CNTN5: variants seen among roughly 807,000 people sequenced by gnomAD.
CNTN5 encodes contactin 5.
CNTN5 carries 77 observed loss-of-function variants against 129.1 expected under a neutral mutation model. The ratio of observed to expected loss-of-function variants is 0.60; its 90% CI spans 0.50 to 0.72. The LOEUF (loss-of-function observed/expected upper bound fraction) is 0.72, where lower values mean the gene tolerates loss of function less well. Ranked by LOEUF, CNTN5 falls within the 30% of genes least tolerant of loss-of-function variation. The pLI is 0.00. For missense variants in CNTN5, 1,478 were observed against 1,328.8 expected, an observed-to-expected ratio of 1.11 and a Z score of -1.75; for synonymous variants, 509 against 465.6, an observed-to-expected ratio of 1.09 and a Z score of -1.20.
intron 13 of CNTN5, among the ~76,000 whole-genome samples, chr11:100,159,278 T>C (rs1380962554): frequency 6.6e-6 from 1 of 151,852 alleles, no homozygotes; most frequent in African/African-American, 2.4e-5. Context: ...TTTAAAATGT[T>C]GCCAATGTTC....
At chr11:99,754,380 T>C (rs952307649) in intron 3 of CNTN5, among the ~76,000 whole-genome samples, 2 of 152,190 alleles carry the variant, frequency 1.3e-5, no homozygotes, top group African/African-American at 4.8e-5. Context: ...CTATTTTTTA[T>C]TCTTCTCTCC....
intron 1 of CNTN5, among the ~76,000 whole-genome samples, chr11:99,247,453 TTTATTA>T (rs111433002): frequency 1.3e-5 from 2 of 150,466 alleles, no homozygotes; most frequent in East Asian, 1.9e-4. Flanking sequence ...CTACATTTCT[TTTATTA>T]TTATTATTAT....
intron 3 of CNTN5, among the ~76,000 whole-genome samples, chr11:99,652,390 A>G (rs1565391292): frequency 6.6e-6 from 1 of 152,088 alleles, no homozygotes; most frequent in Non-Finnish European, 1.5e-5. Context: ...CTATACCATC[A>G]TCTTTGTCAT....
intron 10 of CNTN5, among the ~76,000 whole-genome samples, chr11:100,066,910 T>A (rs999516219): frequency 3.3e-5 from 5 of 152,114 alleles, no homozygotes; most frequent in Admixed American, 3.3e-4. Flanking sequence ...GTTGTTTTTG[T>A]AAGAATCTTG....
chr11:100,201,920 T>C (rs984936928), intron 15 of CNTN5, among the ~76,000 whole-genome samples: 2 of 151,986 alleles, frequency 1.3e-5, no homozygotes, highest in African/African-American at 4.8e-5. Flanking sequence ...GCTCAATGCA[T>C]AGAGATGATT....
At chr11:100,031,087 T>G (rs1314213819) in intron 9 of CNTN5, among the ~76,000 whole-genome samples, 2 of 152,238 alleles carry the variant, frequency 1.3e-5, no homozygotes, top group African/African-American at 4.8e-5. Flanking sequence ...CTCTAGCAGC[T>G]GCTAGCATCA....
intron 13 of CNTN5, among the ~76,000 whole-genome samples, chr11:100,119,685 G>A (rs931376076): frequency 6.6e-6 from 1 of 151,820 alleles, no homozygotes; most frequent in Non-Finnish European, 1.5e-5. Context: ...TGGGCAGAAT[G>A]GGAAAGAAAA....
At chr11:100,117,755 G>T (rs1215575698) in intron 13 of CNTN5, among the ~76,000 whole-genome samples, 2 of 151,360 alleles carry the variant, frequency 1.3e-5, no homozygotes. Flanking sequence ...GTAAAGAATG[G>T]CATTCTATTT....
chr11:99,653,552 C>T (rs1277105049), intron 3 of CNTN5, among the ~76,000 whole-genome samples: 1 of 151,942 alleles, frequency 6.6e-6, no homozygotes, highest in Non-Finnish European at 1.5e-5. Context: ...CGGAAGTCCT[C>T]AATCCGTGTC....
intron 3 of CNTN5, among the ~76,000 whole-genome samples, chr11:99,633,496 C>T (rs998814949): frequency 1.3e-5 from 2 of 152,150 alleles, no homozygotes; most frequent in South Asian, 2.1e-4. Flanking sequence ...GCAGCTTCTA[C>T]AAGCAAGATC....
intron 6 of CNTN5, among the ~76,000 whole-genome samples, chr11:99,880,577 T>C (rs146995519): frequency 1.3e-5 from 2 of 152,170 alleles, no homozygotes; most frequent in Non-Finnish European, 2.9e-5. Flanking sequence ...AAGAGACTAA[T>C]GTTTGATGTG....
rs139662996 is a variant in CNTN5, at chr11:99,553,490, G to T, written c.-70-2655G>T. ...TGTTTTCAAAAGAAACGTGTAAAAA[G>T]TTTACATATTTCAGAATCTTAAATA... On this transcript the variant is annotated intron_variant, in intron 2 of 24. Coordinates refer to ENST00000524871, the MANE Select transcript of CNTN5 (RefSeq NM_014361.4). Among the ~76,000 whole-genome samples the T allele has an allele frequency of 2.5e-3, 373 of 151,686 alleles. 3 individuals carry two copies. The highest frequency in any genetic ancestry group is 8.5e-3 in the African/African-American group (352 of 41,322).
intron 23 of CNTN5, among the ~76,000 whole-genome samples, chr11:100,342,465 C>G (rs1040541504): frequency 6.6e-6 from 1 of 152,016 alleles, no homozygotes; most frequent in African/African-American, 2.4e-5. Flanking sequence ...ACCAGATAAA[C>G]GTGTATGGTC....
At chr11:99,969,415 G>T (rs1277320000) in intron 8 of CNTN5, among the ~76,000 whole-genome samples, 3 of 152,124 alleles carry the variant, frequency 2.0e-5, no homozygotes, top group Non-Finnish European at 2.9e-5. Context: ...GACTTTTGCA[G>T]TGGTGGCAAA....
chr11:99,679,197 AAT>A (rs34768290), intron 3 of CNTN5, among the ~76,000 whole-genome samples: 5,873 of 146,054 alleles, frequency 0.04, 151 homozygotes, highest in South Asian at 0.087. Flanking sequence ...ATATATAGGG[AAT>A]ATATATATAT....
intron 3 of CNTN5, among the ~76,000 whole-genome samples, chr11:99,804,551 A>ATTACT (rs138341980): frequency 0.12 from 18,082 of 151,248 alleles, 1,635 homozygotes; most frequent in East Asian, 0.43. Flanking sequence ...AAAACTCAGT[A>ATTACT]AAGTATGATA....
chr11:99,569,596 G>A (rs1949115003), intron 3 of CNTN5, among the ~76,000 whole-genome samples: 1 of 152,282 alleles, frequency 6.6e-6, no homozygotes, highest in South Asian at 2.1e-4. Context: ...ACAGGCTTGA[G>A]CCACCATTTT....
chr11:100,258,801 A>G (rs1239930801), intron 17 of CNTN5, among the ~76,000 whole-genome samples: 1 of 152,220 alleles, frequency 6.6e-6, no homozygotes, highest in Non-Finnish European at 1.5e-5. Flanking sequence ...GGAAGCACTC[A>G]ATATGGAAAG....
chr11:99,096,519 C>A (rs1866473186), intron 1 of CNTN5, among the ~76,000 whole-genome samples: 1 of 151,662 alleles, frequency 6.6e-6, no homozygotes, highest in African/African-American at 2.4e-5. Context: ...GCATAGATTT[C>A]AAAGTGTTTT....
Sources: gnomAD v4.1 joint callset for allele counts (sites outside exome capture counted in the v4.1 genomes callset) on GRCh38, gnomAD v4.1.1 for gene constraint, MANE v1.5 for transcripts, NCBI Gene and HGNC (gene_info 2026-07-23, HGNC 2026-07-21) for gene names.